ZDHHC12: variants seen among roughly 807,000 people sequenced by gnomAD.
ZDHHC12 encodes zDHHC palmitoyltransferase 12.
Under a neutral mutation model 33.2 loss-of-function variants are expected in ZDHHC12, and 26 were observed. The observed-to-expected ratio is 0.78, with a 90% CI of 0.57 to 1.09. The LOEUF is 1.09. ZDHHC12 is among the 50% of genes least tolerant of loss of function. The pLI is 0.00. For synonymous variants in ZDHHC12, 154 were observed against 152.1 expected (o/e 1.01, Z -0.09); for missense variants, 350 against 353.0 (o/e 0.99, Z 0.07).
In ZDHHC12 at chr9:128,724,126, GC is replaced by G; in HGVS notation, c.-34del. On this transcript the variant is annotated 5_prime_UTR_variant, in exon 1 of 5. Transcript: ENST00000372663. Reference sequence around the variant, plus strand: ...GCCCGGGGCCCCACCCGGAAGAAGCGCCCAGAGGGGCGGGCCCTCCGAGGGA... The same window carrying G: ...GCCCGGGGCCCCACCCGGAAGAAGCGCCAGAGGGGCGGGCCCTCCGAGGGA... 6.7e-7 allele frequency: 1 copy of G among 1,494,548 alleles called. No individual in the cohort carries two copies. Among genetic ancestry groups the G allele is most frequent in the Non-Finnish European group, 8.9e-7 (1 of 1,117,790 alleles). The allele number at this position is 1,494,548 out of a possible 1,614,324, so 92.6% of individuals were successfully genotyped here.
At position 128,724,082 on chromosome 9, in the gene ZDHHC12, C is replaced by A; in HGVS notation, c.12G>T (p.Trp4Cys). 1 of 1,585,774 alleles carries A rather than the reference C, an allele frequency of 6.3e-7. No homozygotes were observed. Among genetic ancestry groups the A allele is most frequent in the East Asian group, 2.3e-5 (1 of 43,376 alleles). Residue 4 changes from tryptophan (W) to cysteine (C), a missense_variant, in exon 1 of 5, where the codon TGG becomes TGT. By Grantham distance (215) the Trp-to-Cys change is radical. Coordinates refer to ENST00000372663, the MANE Select transcript of ZDHHC12 (RefSeq NM_032799.5). ...CCAGGACCCCAGGGCTGAGGAGCGC[C>A]CAGGGCGCCATCGCCTCGGCCCGGG... is the stretch of plus-strand genomic sequence containing the variant. MAP[W>C]ALLSPGVLVR...
Position 128,723,802 on chromosome 9 carries a change from G to C in ZDHHC12, c.100+192C>G, listed in dbSNP as rs891760429. The C allele has an allele frequency of 1.3e-6, 1 of 797,530 alleles. No homozygotes were observed. The highest frequency in any genetic ancestry group is 1.8e-5 in the African/African-American group (1 of 56,944). 49.4% of individuals were successfully genotyped at this position (797,530 alleles called of 1,614,324 possible). Reference sequence around the variant, plus strand: ...ATCAGGAAGATGCTGGGATTAATTAGGGATCAACGGGGTATCAGACAGAGA... The same window carrying C: ...ATCAGGAAGATGCTGGGATTAATTACGGATCAACGGGGTATCAGACAGAGA... On this transcript the variant is annotated intron_variant, in intron 1 of 4. Coordinates refer to ENST00000372663, the MANE Select transcript of ZDHHC12 (RefSeq NM_032799.5). This position sits in a 1 kb window ranked among gnomAD's most constrained non-coding sequence, Gnocchi z 4.4.
rs773226252 is a variant in ZDHHC12, at chr9:128,722,014, C to A, written c.310G>T (p.Val104Leu). The A allele has an allele frequency of 6.2e-7, 1 of 1,614,014 alleles. No individual in the cohort carries two copies. Residue 104 changes from valine to leucine, a missense_variant, in exon 3 of 5, where the codon GTG becomes TTG. Physicochemically the swap from Val to Leu is conservative, Grantham distance 32. Coordinates refer to ENST00000372663, the MANE Select transcript of ZDHHC12 (RefSeq NM_032799.5). This position sits in a 1 kb window ranked among gnomAD's most constrained non-coding sequence, Gnocchi z 4.2. ...GGTGTCCGTGCATCACTCACCAGCACCAGGCAGTATCTGCAGCGCCGAAGA... is the reference window on the plus strand; with the variant it reads ...GGTGTCCGTGCATCACTCACCAGCAACAGGCAGTATCTGCAGCGCCGAAGA... ...IPLRRCRYCL[V>L]LQPLRARHCR... is the part of the protein sequence containing the mutation.
At position 128,721,072 on chromosome 9, in the gene ZDHHC12, G is replaced by A. The variant is rs2132345877; in HGVS notation, c.*109C>T. The A allele has an allele frequency of 8.8e-7, 1 of 1,130,002 alleles. No homozygotes were observed. The highest frequency in any genetic ancestry group is 2.6e-5 in the East Asian group (1 of 38,172). 70.0% of individuals were successfully genotyped at this position (1,130,002 alleles called of 1,614,324 possible). The stretch of plus-strand genomic sequence containing the variant: ...GACTTGAAGCTCCGTTCTGGGGTCT[G>A]GGAGGCGTGGGCAGGAGTGAGGGCC... On this transcript the variant is annotated 3_prime_UTR_variant, in exon 5 of 5. Transcript: ENST00000372663. The surrounding 1 kb of genome is among the most constrained non-coding windows in gnomAD (Gnocchi z 6.9).
chr9:128,723,938 G>A lies in ZDHHC12; in HGVS notation c.100+56C>T. ...GCGGGAGACCCAGTGTGACCAGAAC[G>A]TCTGGGGAAGTACGCGGGATCGGGT... On this transcript the variant is annotated intron_variant, in intron 1 of 4. Transcript: ENST00000372663. This position sits in a 1 kb window ranked among gnomAD's most constrained non-coding sequence, Gnocchi z 4.4. The A allele has an allele frequency of 6.3e-6, 10 of 1,577,456 alleles. No homozygotes were observed. Among genetic ancestry groups the A allele is most frequent in the Non-Finnish European group, 7.8e-6 (9 of 1,160,608 alleles).
In ZDHHC12 at chr9:128,723,817, TCAGA is replaced by T. The variant is rs1158647214; in HGVS notation, c.100+173_100+176del. On this transcript the variant is annotated intron_variant, in intron 1 of 4. Transcript: ENST00000372663. This position sits in a 1 kb window ranked among gnomAD's most constrained non-coding sequence, Gnocchi z 4.4. ...GGATTAATTAGGGATCAACGGGGTA[TCAGA>T]CAGAGAGCAGGTGGCTCTTGGAATG... 5 of 892,414 alleles carry T rather than the reference TCAGA, an allele frequency of 5.6e-6. No homozygotes were observed. Among genetic ancestry groups the T allele is most frequent in the Middle Eastern group, 2.4e-4 (1 of 4,132 alleles). 55.3% of individuals were successfully genotyped at this position (892,414 alleles called of 1,614,324 possible). A position where few individuals can be genotyped will look rare whatever the true frequency, so the allele number is the denominator to read the frequency against.
In ZDHHC12 at chr9:128,720,953, C is replaced by G; in HGVS notation, c.*228G>C. 1.7e-6 allele frequency: 1 copy of G among 599,824 alleles called. No individual in the cohort carries two copies. Among genetic ancestry groups the G allele is most frequent in the Non-Finnish European group, 2.9e-6 (1 of 346,858 alleles). The allele number at this position is 599,824 out of a possible 1,614,324, so 37.2% of individuals were successfully genotyped here. On this transcript the variant is annotated 3_prime_UTR_variant, in exon 5 of 5. Coordinates refer to ENST00000372663, the MANE Select transcript of ZDHHC12 (RefSeq NM_032799.5). This position sits in a 1 kb window ranked among gnomAD's most constrained non-coding sequence, Gnocchi z 5.5. ...CAGCCTGGGCGGGGCTGGGGTGGAG[C>G]CCGGGGTCTGCTTGGGCCTGAGCCA...
At position 128,722,191 on chromosome 9, in the gene ZDHHC12, A is replaced by G; in HGVS notation, c.238-105T>C. On this transcript the variant is annotated intron_variant, in intron 2 of 4. Coordinates refer to ENST00000372663, the MANE Select transcript of ZDHHC12 (RefSeq NM_032799.5). This position sits in a 1 kb window ranked among gnomAD's most constrained non-coding sequence, Gnocchi z 4.2. ...CTTAGCTCTGGGTATGGAGTTTGGG[A>G]CCCATCCCATGCAGAATGGAGGTGT... 7.1e-7 allele frequency: 1 copy of G among 1,403,648 alleles called. No homozygotes were observed. The highest frequency in any genetic ancestry group is 1.0e-6 in the Non-Finnish European group (1 of 1,003,740). 86.9% of individuals were successfully genotyped at this position (1,403,648 alleles called of 1,614,324 possible).
In ZDHHC12 at chr9:128,722,153, C is replaced by A. The variant is rs1862582401; in HGVS notation, c.238-67G>T. On this transcript the variant is annotated intron_variant, in intron 2 of 4. Transcript: ENST00000372663. This position sits in a 1 kb window ranked among gnomAD's most constrained non-coding sequence, Gnocchi z 4.2. ...GACAGATGGCATTGGCGGGCAGCTC[C>A]CCTAGGGGCCGGCTTAGCTCTGGGT... The A allele has an allele frequency of 6.3e-7, 1 of 1,584,990 alleles. No homozygotes were observed. The highest frequency in any genetic ancestry group is 8.7e-7 in the Non-Finnish European group (1 of 1,155,156).
At position 128,722,247 on chromosome 9, in the gene ZDHHC12, C is replaced by T. The variant is rs10988105; in HGVS notation, c.238-161G>A. On this transcript the variant is annotated intron_variant, in intron 2 of 4. Transcript: ENST00000372663. This position sits in a 1 kb window ranked among gnomAD's most constrained non-coding sequence, Gnocchi z 4.2. ...ATGGCGGAGCACCCTGGACTGAGGG[C>T]GGCTGTGTATGTTTGCAAGTCTCTT... 0.39 allele frequency among the ~76,000 whole-genome samples: 58,633 copies of T among 151,814 alleles called. 13,995 individuals carry two copies. Among genetic ancestry groups the T allele is most frequent in the Non-Finnish European group, 0.52 (35,446 of 67,878 alleles).
Position 128,722,489 on chromosome 9 carries a change from G to T in ZDHHC12, c.186C>A (p.Leu62=). Residue 62 remains leucine, a synonymous_variant, in exon 2 of 5, where the codon CTC becomes CTA. Coordinates refer to ENST00000372663, the MANE Select transcript of ZDHHC12 (RefSeq NM_032799.5). This position sits in a 1 kb window ranked among gnomAD's most constrained non-coding sequence, Gnocchi z 4.2. ...LLVLGSLLLY[L]AVSLMDPGYV... is the part of the protein sequence containing the mutation. ...AGCCAGGGTCCATGAGTGACACAGC[G>T]AGGTAGAGCAGCAGGGAGCCCAGCA... The T allele has an allele frequency of 6.4e-7, 1 of 1,570,994 alleles. No individual in the cohort carries two copies.
Position 128,721,511 on chromosome 9 carries a change from CAG to C in ZDHHC12, c.483-11_483-10del, listed in dbSNP as rs768884329. The C allele has an allele frequency of 1.9e-6, 3 of 1,597,024 alleles. No individual in the cohort carries two copies. Among genetic ancestry groups the C allele is most frequent in the Non-Finnish European group, 8.5e-7 (1 of 1,171,438 alleles). ...AGAACCGGAGGCCTGACCTGCGGTG[CAG>C]GGGACAGGGGCCTGGTGCTGGGGGA... is the stretch of plus-strand genomic sequence containing the variant. On this transcript the variant is annotated splice_polypyrimidine_tract_variant and intron_variant, in intron 4 of 4. Transcript: ENST00000372663. The surrounding 1 kb of genome is among the most constrained non-coding windows in gnomAD (Gnocchi z 6.9).
rs749909230 is a variant in ZDHHC12, at chr9:128,722,462, G to A, written c.213C>T (p.Tyr71=). The A allele has an allele frequency of 1.8e-5, 27 of 1,536,444 alleles. No homozygotes were observed. Among genetic ancestry groups the A allele is most frequent in the Admixed American group, 1.2e-4 (6 of 48,902 alleles). The change falls in exon 2 of 5, where the codon TAC becomes TAT. Residue 71 remains tyrosine (Y), a synonymous_variant. Coordinates refer to ENST00000372663, the MANE Select transcript of ZDHHC12 (RefSeq NM_032799.5). This position sits in a 1 kb window ranked among gnomAD's most constrained non-coding sequence, Gnocchi z 4.2. ...CCTGAGGCTGGGGCTGCACATTCAC[G>A]TAGCCAGGGTCCATGAGTGACACAG... ...YLAVSLMDPG[Y]VNVQPQPQEE... is the part of the protein sequence containing the mutation.
In ZDHHC12 at chr9:128,722,796, C is replaced by T. The variant is rs931627132; in HGVS notation, c.101-222G>A. On this transcript the variant is annotated intron_variant, in intron 1 of 4. Transcript: ENST00000372663. The surrounding 1 kb of genome is among the most constrained non-coding windows in gnomAD (Gnocchi z 4.2). ...TAGAGCCAGATCTGTTTTGGAAAAC[C>T]TCATTGCTAAAGAAATGGATCAGGG... 8.0e-6 allele frequency: 11 copies of T among 1,378,762 alleles called. No homozygotes were observed. The African/African-American group carries it at 1.5e-4, about 19-fold the overall frequency. The allele number at this position is 1,378,762 out of a possible 1,614,324, so 85.4% of individuals were successfully genotyped here.
chr9:128,721,711 A>T lies in ZDHHC12; in HGVS notation c.422T>A (p.Leu141His), dbSNP rs1245956291. The T allele has an allele frequency of 1.2e-6, 2 of 1,613,838 alleles. No individual in the cohort carries two copies. The highest frequency in any genetic ancestry group is 1.7e-5 in the Admixed American group (1 of 60,016). ...CTGCAGCGCCAGGTAGACCACAAAGAGTGGGTGGTTGCGCTCTCCCACACA... is the reference window on the plus strand; with the variant it reads ...CTGCAGCGCCAGGTAGACCACAAAGTGTGGGTGGTTGCGCTCTCCCACACA... ...ENCVGERNHP[L>H]FVVYLALQLV... Residue 141 changes from leucine to histidine, a missense_variant, in exon 4 of 5, where the codon CTC becomes CAC. By Grantham distance (99) the Leu-to-His change is moderately conservative. Coordinates refer to ENST00000372663, the MANE Select transcript of ZDHHC12 (RefSeq NM_032799.5). This position sits in a 1 kb window ranked among gnomAD's most constrained non-coding sequence, Gnocchi z 6.9.
rs1474770063 is a variant in ZDHHC12, at chr9:128,721,350, C to T, written c.635G>A (p.Trp212Ter). Residue 212 changes from tryptophan to a stop codon, truncating the protein, a stop_gained, in exon 5 of 5, where the codon TGG becomes TAG. Transcript: ENST00000372663. LOFTEE classifies it high-confidence loss of function. This position sits in a 1 kb window ranked among gnomAD's most constrained non-coding sequence, Gnocchi z 6.9. ...LYLVASNTTT[W>*]EFISSHRIAY... is the part of the protein sequence containing the mutation. ...GATGCGGTGTGAGGAGATGAATTCC[C>T]AGGTGGTGGTGTTGCTGGCCACCAG... The T allele has an allele frequency of 3.8e-6, 6 of 1,590,306 alleles. No homozygotes were observed. The highest frequency in any genetic ancestry group is 5.1e-6 in the Non-Finnish European group (6 of 1,168,476).
chr9:128,723,846 G>A lies in ZDHHC12; in HGVS notation c.100+148C>T, dbSNP rs1862641423. On this transcript the variant is annotated intron_variant, in intron 1 of 4. Transcript: ENST00000372663. This position sits in a 1 kb window ranked among gnomAD's most constrained non-coding sequence, Gnocchi z 4.4. ...ACAGAGAGCAGGTGGCTCTTGGAAT[G>A]ATAGATGGGGAGAGGGCTTCAGGAG... The A allele has an allele frequency of 8.1e-7, 1 of 1,238,580 alleles. No homozygotes were observed. The highest frequency in any genetic ancestry group is 2.7e-5 in the East Asian group (1 of 37,628). 76.7% of individuals were successfully genotyped at this position (1,238,580 alleles called of 1,614,324 possible).
In ZDHHC12 at chr9:128,723,746, G is replaced by A; in HGVS notation, c.100+248C>T. 1 of 569,738 alleles carries A rather than the reference G, an allele frequency of 1.8e-6. No homozygotes were observed. Among genetic ancestry groups the A allele is most frequent in the Non-Finnish European group, 3.0e-6 (1 of 337,320 alleles). 35.3% of individuals were successfully genotyped at this position (569,738 alleles called of 1,614,324 possible). A position where few individuals can be genotyped will look rare whatever the true frequency, so the allele number is the denominator to read the frequency against. The stretch of plus-strand genomic sequence containing the variant: ...CCTTGGATCTGGTGGGCACCGGCTG[G>A]GTCCTGGGATGGACAGGGCATTTGG... On this transcript the variant is annotated intron_variant, in intron 1 of 4. Coordinates refer to ENST00000372663, the MANE Select transcript of ZDHHC12 (RefSeq NM_032799.5). This position sits in a 1 kb window ranked among gnomAD's most constrained non-coding sequence, Gnocchi z 4.4.
rs375920277 is a variant in ZDHHC12 at position 128,721,995 on chromosome 9, C to G, written c.315+14G>C. 1 of 1,613,826 alleles carries G rather than the reference C, an allele frequency of 6.2e-7. No homozygotes were observed. Among genetic ancestry groups the G allele is most frequent in the Non-Finnish European group, 8.5e-7 (1 of 1,179,968 alleles). ...TGGCCCAACCTCTCCCACGGGTGTC[C>G]GTGCATCACTCACCAGCACCAGGCA... is the stretch of plus-strand genomic sequence containing the variant. On this transcript the variant is annotated intron_variant, in intron 3 of 4. Coordinates refer to ENST00000372663, the MANE Select transcript of ZDHHC12 (RefSeq NM_032799.5). The surrounding 1 kb of genome is among the most constrained non-coding windows in gnomAD (Gnocchi z 6.9).
Sources: allele counts gnomAD v4.1 joint callset (sites outside exome capture counted in the v4.1 genomes callset), GRCh38; gene constraint gnomAD v4.1.1; non-coding constraint Gnocchi (gnomAD v3.1); transcripts MANE v1.5; gene names NCBI Gene and HGNC (gene_info 2026-07-23, HGNC 2026-07-21).